The following SLC8A1 variants were observed in gnomAD, a reference collection of about 807,000 sequenced individuals.
The protein encoded by SLC8A1 is solute carrier family 8 member A1.
SLC8A1 carries 18 observed loss-of-function variants against 68.3 expected under a neutral mutation model. That is an observed-to-expected ratio of 0.26 (90% CI 0.18 to 0.39). SLC8A1 has a LOEUF of 0.39. Among genes scored for constraint, SLC8A1 ranks in the 10% least tolerant of loss-of-function variants. The pLI is 1.00. For synonymous variants in SLC8A1, 475 were observed against 415.5 expected (o/e 1.14, Z -1.74); for missense variants, 985 against 1,156.7 (o/e 0.85, Z 2.15).
At chr2:40,482,789 CTTTTTTTTTT>C in intron 1 of SLC8A1, among the ~76,000 whole-genome samples, 1 of 131,846 alleles carries the variant, frequency 7.6e-6, no homozygotes, top group South Asian at 2.4e-4. Context: ...ACAGTTAGCA[CTTTTTTTTTT>C]TTTTTTTTTG....
intron 1 of SLC8A1, among the ~76,000 whole-genome samples, chr2:40,451,339 G>T (rs1309533553): frequency 1.3e-5 from 2 of 151,956 alleles, no homozygotes; most frequent in Non-Finnish European, 2.9e-5. Context: ...TTTCTTCCTC[G>T]TCTGTCTCTG....
chr2:40,326,644 C>A lies in SLC8A1; in HGVS notation c.1808+101829G>T, dbSNP rs181185387. 1.1e-4 allele frequency among the ~76,000 whole-genome samples: 16 copies of A among 152,218 alleles called. No homozygotes were observed. The East Asian group carries it at 3.1e-3, about 29-fold the overall frequency. ...TTAAAGGAAAAGGTGGTCCCCTTGTCCAAAATGAAGAGATGAAACAAATTT... is the reference window on the plus strand; with the variant it reads ...TTAAAGGAAAAGGTGGTCCCCTTGTACAAAATGAAGAGATGAAACAAATTT... On this transcript the variant is annotated intron_variant, in intron 2 of 7. Coordinates refer to ENST00000406785, the Ensembl canonical transcript of SLC8A1.
intron 6 of SLC8A1, among the ~76,000 whole-genome samples, chr2:40,156,860 C>T (rs1428566): frequency 0.37 from 56,039 of 151,992 alleles, 12,002 homozygotes; most frequent in Middle Eastern, 0.52. Flanking sequence ...GCATGCATGT[C>T]TCTGCGTACC....
intron 2 of SLC8A1, among the ~76,000 whole-genome samples, chr2:40,350,112 T>C (rs1670590957): frequency 6.6e-6 from 1 of 152,192 alleles, no homozygotes; most frequent in Non-Finnish European, 1.5e-5. Context: ...TGTTTATGTG[T>C]TGCATGTCAT....
intron 2 of SLC8A1, among the ~76,000 whole-genome samples, chr2:40,384,223 C>G (rs757925194): frequency 7.2e-5 from 11 of 151,920 alleles, no homozygotes; most frequent in Non-Finnish European, 1.6e-4. Context: ...TGCCACTGCA[C>G]TTTAGTCTGG....
chr2:40,177,541 A>G (rs904258549), intron 3 of SLC8A1, among the ~76,000 whole-genome samples: 2 of 152,222 alleles, frequency 1.3e-5, no homozygotes, highest in African/African-American at 4.8e-5. Context: ...TCTGGTTGCA[A>G]TCAAGGTTAG....
At chr2:40,137,197 CAA>C (rs2040665670) in intron 7 of SLC8A1, among the ~76,000 whole-genome samples, 1 of 152,104 alleles carries the variant, frequency 6.6e-6, no homozygotes, top group Admixed American at 6.6e-5. Context: ...TTTCTTAAAA[CAA>C]GAGACACACA....
At chr2:40,208,628 G>C (rs547846122) in intron 2 of SLC8A1, among the ~76,000 whole-genome samples, 46 of 152,110 alleles carry the variant, frequency 3.0e-4, no homozygotes, top group Non-Finnish European at 5.1e-4. Context: ...TTTCTCTTTG[G>C]CACATCAATC....
intron 2 of SLC8A1, among the ~76,000 whole-genome samples, chr2:40,340,192 C>A (rs1271030351): frequency 2.0e-5 from 3 of 152,178 alleles, no homozygotes; most frequent in Non-Finnish European, 2.9e-5. Context: ...CATGGAACCT[C>A]TGAAAACTAT....
intron 7 of SLC8A1, among the ~76,000 whole-genome samples, chr2:40,116,169 T>A (rs1364806801): frequency 6.6e-6 from 1 of 151,964 alleles, no homozygotes; most frequent in African/African-American, 2.4e-5. Context: ...TCGGGAGAGA[T>A]TTTTCAAGAT....
chr2:40,116,945 G>C (rs2035575249), intron 7 of SLC8A1: 1 of 152,336 alleles, frequency 6.6e-6, no homozygotes, highest in Non-Finnish European at 1.5e-5. Flanking sequence ...GCAGCTGACT[G>C]TGTGACTCTG....
chr2:40,307,475 A>G (rs758278842), intron 2 of SLC8A1, among the ~76,000 whole-genome samples: 2 of 152,206 alleles, frequency 1.3e-5, no homozygotes, highest in Non-Finnish European at 2.9e-5. Context: ...TGATGTGAAT[A>G]TACTTAACAC....
Position 40,284,169 on chromosome 2 carries a change from C to T in SLC8A1, c.1809-106314G>A, listed in dbSNP as rs369398231. Among the ~76,000 whole-genome samples the T allele has an allele frequency of 2.2e-3, 330 of 151,854 alleles. 1 individual carries two copies. The highest frequency in any genetic ancestry group is 7.5e-3 in the African/African-American group (312 of 41,466). On this transcript the variant is annotated intron_variant, in intron 2 of 7. Transcript: ENST00000406785. ...GTGTGCTTTCTCTCTCTCTAGATAT[C>T]TGTATCTATAGATATAGCTATCTAT...
chr2:40,493,093 T>C lies in SLC8A1; in HGVS notation c.-25+19256A>G, dbSNP rs564992244. 3.9e-3 allele frequency among the ~76,000 whole-genome samples: 593 copies of C among 151,972 alleles called. 4 individuals carry two copies. The highest frequency in any genetic ancestry group is 0.012 in the African/African-American group (516 of 41,438). On this transcript the variant is annotated intron_variant, in intron 1 of 7. Transcript: ENST00000402441. ...CACAATAGCAAAGACTTGGAACCAA[T>C]CCAAATGTCCAACAATAATAGACTG... is the stretch of plus-strand genomic sequence containing the variant.
chr2:40,264,178 A>T (rs1272455532), intron 2 of SLC8A1, among the ~76,000 whole-genome samples: 16 of 150,796 alleles, frequency 1.1e-4, no homozygotes, highest in African/African-American at 3.9e-4. Flanking sequence ...TAGAATGGCA[A>T]TCATTAAAAA....
intron 1 of SLC8A1, among the ~76,000 whole-genome samples, chr2:40,467,067 C>A (rs1444121656): frequency 6.6e-6 from 1 of 151,724 alleles, no homozygotes; most frequent in African/African-American, 2.4e-5. Context: ...CTGGTGCACA[C>A]CAGGGGGACA....
chr2:40,178,502 GAGAAT>G lies in SLC8A1; in HGVS notation c.1809-652_1809-648del. 1 of 1,602,542 alleles carries G rather than the reference GAGAAT, an allele frequency of 6.2e-7. No individual in the cohort carries two copies. The highest frequency in any genetic ancestry group is 8.5e-7 in the Non-Finnish European group (1 of 1,170,288). On this transcript the variant is annotated intron_variant, in intron 2 of 7. Transcript: ENST00000406785. ...TGACTGATATTGTTTTGCTGAAACAGAGAATAGAAATTGACGAACAAGGGGAAGAG... is the reference window on the plus strand; with the variant it reads ...TGACTGATATTGTTTTGCTGAAACAGAGAAATTGACGAACAAGGGGAAGAG...
intron 2 of SLC8A1, among the ~76,000 whole-genome samples, chr2:40,254,246 A>T (rs1233862774): frequency 3.3e-5 from 5 of 152,352 alleles, no homozygotes; most frequent in Admixed American, 6.5e-5. Flanking sequence ...AATAGAAATG[A>T]GATTGGGGTC....
chr2:40,223,506 A>G (rs182982516), intron 2 of SLC8A1: 3 of 152,260 alleles, frequency 2.0e-5, no homozygotes, highest in Non-Finnish European at 4.4e-5. Context: ...CCCAGAACTT[A>G]AAGTATATAT....
Sources: gnomAD v4.1 joint callset for allele counts (sites outside exome capture counted in the v4.1 genomes callset) on GRCh38, gnomAD v4.1.1 for gene constraint, MANE v1.5 for transcripts, NCBI Gene and HGNC (gene_info 2026-07-23, HGNC 2026-07-21) for gene names.